Variants in LMX1B observed in about 807,000 individuals in gnomAD.
LMX1B encodes LIM homeobox transcription factor 1 beta, also known as LIM homeobox transcription factor 1-beta.
In LMX1B, 12 loss-of-function variants were observed where a neutral mutation model predicts 51.4. The observed-to-expected ratio is 0.23, with a 90% confidence interval of 0.15 to 0.38. The LOEUF is 0.38. Ranked by LOEUF, LMX1B falls within the 10% of genes least tolerant of loss-of-function variation. The pLI, the probability that LMX1B is intolerant of heterozygous loss-of-function variation, is 1.00. For missense variants in LMX1B, 445 were observed against 571.1 expected (o/e 0.78, Z 2.25); for synonymous variants, 237 against 235.4 (o/e 1.01, Z -0.06).
intron 2 of LMX1B, among the ~76,000 whole-genome samples, chr9:126,668,768 A>T (rs1391708097): frequency 1.3e-5 from 2 of 152,100 alleles, no homozygotes; most frequent in Non-Finnish European, 2.9e-5. Context: ...AGCAGAATTT[A>T]AATCCACATC....
chr9:126,631,362 C>T (rs1564149133), intron 2 of LMX1B, among the ~76,000 whole-genome samples: 1 of 152,184 alleles, frequency 6.6e-6, no homozygotes, highest in Non-Finnish European at 1.5e-5. Flanking sequence ...GGACTCAACC[C>T]TGTGTTCTGC....
chr9:126,670,559 C>G (rs1032709443), intron 2 of LMX1B, among the ~76,000 whole-genome samples: 1 of 152,160 alleles, frequency 6.6e-6, no homozygotes, highest in African/African-American at 2.4e-5. Flanking sequence ...TAGGTTGACA[C>G]GCTTGAGTAC....
At position 126,618,302 on chromosome 9, in the gene LMX1B, C is replaced by T. The variant is rs1327079974; in HGVS notation, c.326+2733C>T. 1.3e-5 allele frequency among the ~76,000 whole-genome samples: 2 copies of T among 152,196 alleles called. No individual in the cohort carries two copies. Among genetic ancestry groups the T allele is most frequent in the South Asian group, 2.1e-4 (1 of 4,830 alleles). ...TTGCCATTTTTAGTAAATGTCTCTT[C>T]TTCCTTTCGATTTGTTCTCAAAGAT... On this transcript the variant is annotated intron_variant, in intron 2 of 7. Transcript: ENST00000373474. The surrounding 1 kb of genome is among the most constrained non-coding windows in gnomAD (Gnocchi z 4.5).
chr9:126,636,439 G>C (rs1373546237), intron 2 of LMX1B, among the ~76,000 whole-genome samples: 1 of 152,186 alleles, frequency 6.6e-6, no homozygotes, highest in Non-Finnish European at 1.5e-5. Flanking sequence ...GGTCACAAAA[G>C]GTCTTGAAGT....
intron 2 of LMX1B, among the ~76,000 whole-genome samples, chr9:126,645,507 AC>A (rs576542206): frequency 6.6e-6 from 1 of 152,298 alleles, no homozygotes; most frequent in Non-Finnish European, 1.5e-5. Flanking sequence ...CTGAATTTCA[AC>A]CCACTCACTC....
Position 126,696,016 on chromosome 9 carries a change from A to ACGGGGGCC in LMX1B, c.1051+14_1051+15insGGGGGCCC. ...ATGAACCCCTATGGTAAGCCGCCCT[A>ACGGGGGCC]CCCCCACCCGCCCGCCCCAGCACAG... On this transcript the variant is annotated intron_variant, in intron 7 of 7. Transcript: ENST00000373474. The ACGGGGGCC allele has an allele frequency of 6.6e-7, 1 of 1,512,694 alleles. No individual in the cohort carries two copies. The highest frequency in any genetic ancestry group is 8.8e-7 in the Non-Finnish European group (1 of 1,131,790). The allele number at this position is 1,512,694 out of a possible 1,614,324, so 93.7% of individuals were successfully genotyped here.
intron 2 of LMX1B, among the ~76,000 whole-genome samples, chr9:126,644,168 C>T (rs1203934261): frequency 6.6e-6 from 1 of 152,140 alleles, no homozygotes; most frequent in Non-Finnish European, 1.5e-5. Flanking sequence ...TCCTCGGTGT[C>T]CTGTGCCCCC....
At chr9:126,629,104 A>G (rs1275888822) in intron 2 of LMX1B, among the ~76,000 whole-genome samples, 1 of 152,180 alleles carries the variant, frequency 6.6e-6, no homozygotes, top group Non-Finnish European at 1.5e-5. Flanking sequence ...TCCTGCTTTG[A>G]CAAGCCCAGC....
intron 2 of LMX1B, among the ~76,000 whole-genome samples, chr9:126,624,035 G>C (rs1301018481): frequency 6.6e-6 from 1 of 152,240 alleles, no homozygotes; most frequent in Non-Finnish European, 1.5e-5. Context: ...GGTGTCACCA[G>C]GGGTTTAGCC....
intron 2 of LMX1B, among the ~76,000 whole-genome samples, chr9:126,651,512 C>T (rs1836007302): frequency 6.6e-6 from 1 of 152,082 alleles, no homozygotes; most frequent in South Asian, 2.1e-4. Flanking sequence ...AAACGAAGGG[C>T]CTTGGAGCCC....
intron 2 of LMX1B, among the ~76,000 whole-genome samples, chr9:126,661,392 T>A (rs60616596): frequency 0.16 from 23,655 of 152,146 alleles, 4,098 homozygotes; most frequent in African/African-American, 0.43. Context: ...TCTGAGCAGT[T>A]GGACAGACTA....
intron 2 of LMX1B, among the ~76,000 whole-genome samples, chr9:126,684,727 C>T (rs1460030554): frequency 1.3e-5 from 2 of 151,992 alleles, no homozygotes; most frequent in Non-Finnish European, 2.9e-5. Flanking sequence ...TCACAAGAGT[C>T]ACTTAGTACA....
chr9:126,675,042 G>C (rs746341849), intron 2 of LMX1B, among the ~76,000 whole-genome samples: 4 of 152,208 alleles, frequency 2.6e-5, no homozygotes, highest in African/African-American at 9.6e-5. Context: ...TGTAAAATCA[G>C]GTGCTGTTGT....
chr9:126,693,901 G>A, intron 6 of LMX1B, 89 bp downstream of exon 6: 1 of 686,806 alleles, frequency 1.5e-6, no homozygotes, highest in Non-Finnish European at 2.5e-6. Context: ...TGGGGCAGAG[G>A]CTGGGGCTGG....
intron 2 of LMX1B, among the ~76,000 whole-genome samples, chr9:126,630,822 C>T (rs1426221232): frequency 1.3e-5 from 2 of 152,274 alleles, no homozygotes; most frequent in African/African-American, 2.4e-5. Context: ...TAGTGGAAGT[C>T]CATGCCATGG....
chr9:126,661,721 A>C (rs1163918834), intron 2 of LMX1B, among the ~76,000 whole-genome samples: 3 of 151,720 alleles, frequency 2.0e-5, no homozygotes, highest in East Asian at 2.0e-4. Context: ...TTGAGCAGGC[A>C]CCTGAGAATG....
chr9:126,622,712 C>T (rs1038873323), intron 2 of LMX1B, among the ~76,000 whole-genome samples: 11 of 152,206 alleles, frequency 7.2e-5, no homozygotes, highest in Non-Finnish European at 1.5e-5. Context: ...ACTGAGCTGC[C>T]CAGGCCTTTG....
chr9:126,655,943 G>A (rs1363323645), intron 2 of LMX1B, among the ~76,000 whole-genome samples: 2 of 152,168 alleles, frequency 1.3e-5, no homozygotes, highest in African/African-American at 2.4e-5. Context: ...AAGAGGAGGC[G>A]AAGAGTCAGT....
At chr9:126,662,843 C>T (rs1036904903) in intron 2 of LMX1B, among the ~76,000 whole-genome samples, 1 of 152,212 alleles carries the variant, frequency 6.6e-6, no homozygotes, top group East Asian at 1.9e-4. Flanking sequence ...GCTGTGCCAC[C>T]GGGGACATAT....
Sources: allele counts gnomAD v4.1 joint callset (sites outside exome capture counted in the v4.1 genomes callset), GRCh38; gene constraint gnomAD v4.1.1; non-coding constraint Gnocchi (gnomAD v3.1); transcripts MANE v1.5; gene names NCBI Gene and HGNC (gene_info 2026-07-23, HGNC 2026-07-21).